Variants in ZBED3 observed in about 807,000 individuals in gnomAD.
ZBED3 encodes zinc finger BED-type containing 3, also known as zinc finger BED domain-containing protein 3.
For missense variants in ZBED3, 388 were observed against 362.9 expected, an observed-to-expected ratio of 1.07 and a Z score of -0.56; for synonymous variants, 175 against 180.0, an observed-to-expected ratio of 0.97 and a Z score of 0.22.
At chr5:77,080,882 A>C (rs1321814919) in intron 1 of ZBED3, among the ~76,000 whole-genome samples, 1 of 152,228 alleles carries the variant, frequency 6.6e-6, no homozygotes, top group East Asian at 1.9e-4. Context: ...ATGTATACAT[A>C]TGTAACAAAC....
At chr5:77,081,793 A>C (rs890644332) in intron 1 of ZBED3, among the ~76,000 whole-genome samples, 5 of 152,116 alleles carry the variant, frequency 3.3e-5, no homozygotes, top group African/African-American at 1.2e-4. Flanking sequence ...CACTCCATCC[A>C]ACTCTCATTC....
Position 77,077,699 on chromosome 5 carries a change from C to G in ZBED3, c.180G>C (p.Gly60=). The change falls in exon 3 of 3, where the codon GGG becomes GGC. Residue 60 remains glycine (G), a synonymous_variant. Transcript: ENST00000255198. ...AGGTGGCCCAGTGGCCCGACGGATG[C>G]CCGGGGCGCCCCGGCGCCAGGTGGA... The part of the protein sequence containing the change: ...GYFHLAPGRP[G]HPSGHWATCR... 1 of 1,346,312 alleles carries G rather than the reference C, an allele frequency of 7.4e-7. No homozygotes were observed. The highest frequency in any genetic ancestry group is 1.8e-5 in the South Asian group (1 of 55,174). The allele number at this position is 1,346,312 out of a possible 1,614,324, so 83.4% of individuals were successfully genotyped here. A position where few individuals can be genotyped will look rare whatever the true frequency, so the allele number is the denominator to read the frequency against.
chr5:77,078,233 C>G (rs112864069), intron 2 of ZBED3, among the ~76,000 whole-genome samples: 2,006 of 152,164 alleles, frequency 0.013, 29 homozygotes, highest in African/African-American at 0.041. Context: ...TTAGCTTTAA[C>G]TAGTCTCTGC....
At chr5:77,086,520 T>G (rs1743243274) in intron 1 of ZBED3, among the ~76,000 whole-genome samples, 1 of 152,172 alleles carries the variant, frequency 6.6e-6, no homozygotes, top group Non-Finnish European at 1.5e-5. Flanking sequence ...AGTATTTATT[T>G]TTTTCCTTCA....
intron 1 of ZBED3, among the ~76,000 whole-genome samples, chr5:77,080,904 G>A (rs1440001961): frequency 6.6e-6 from 1 of 152,160 alleles, no homozygotes; most frequent in African/African-American, 2.4e-5. Context: ...TGCACGTTGT[G>A]CACATGTACC....
At position 77,076,033 on chromosome 5, in the gene ZBED3, G is replaced by GTATATATGTATA. The variant is rs1561296580; in HGVS notation, c.*1129_*1140dup. The GTATATATGTATA allele has an allele frequency of 6.5e-5, 4 of 61,506 alleles. No homozygotes were observed. Among genetic ancestry groups the GTATATATGTATA allele is most frequent in the East Asian group, 8.5e-4 (2 of 2,360 alleles). 3.8% of individuals were successfully genotyped at this position (61,506 alleles called of 1,614,324 possible). A position where few individuals can be genotyped will look rare whatever the true frequency, so the allele number is the denominator to read the frequency against. Reference sequence around the variant, plus strand: ...TATATGTATATATGTATATATATATGTATATATGTATATATATATATAATA... The same window carrying GTATATATGTATA: ...TATATGTATATATGTATATATATATGTATATATGTATATATATATGTATATATATATATAATA... On this transcript the variant is annotated 3_prime_UTR_variant, in exon 3 of 3. Transcript: ENST00000255198.
In ZBED3 at chr5:77,075,879, T is replaced by G; in HGVS notation, c.*1295A>C. ...TTGGTCACTGGGAGATTGTGGCAGC[T>G]TGGAAATAGTCTGGTGAAGCATAGA... On this transcript the variant is annotated 3_prime_UTR_variant, in exon 3 of 3. Coordinates refer to ENST00000255198, the MANE Select transcript of ZBED3 (RefSeq NM_032367.4). The G allele has an allele frequency of 6.9e-6, 1 of 144,246 alleles. No individual in the cohort carries two copies. The highest frequency in any genetic ancestry group is 2.6e-5 in the African/African-American group (1 of 39,080). The allele number at this position is 144,246 out of a possible 1,614,324, so 8.9% of individuals were successfully genotyped here. A position where few individuals can be genotyped will look rare whatever the true frequency, so the allele number is the denominator to read the frequency against.
intron 1 of ZBED3, among the ~76,000 whole-genome samples, chr5:77,086,372 A>T (rs1561300595): frequency 6.6e-6 from 1 of 152,064 alleles, no homozygotes; most frequent in South Asian, 2.1e-4. Flanking sequence ...CTTGCCTCCA[A>T]AAGGTGTCAG....
In ZBED3 at chr5:77,076,250, G is replaced by A. The variant is rs1743001577; in HGVS notation, c.*924C>T. On this transcript the variant is annotated 3_prime_UTR_variant, in exon 3 of 3. Transcript: ENST00000255198. ...AAGGGAGGGACTGAGACAGCGAAAG[G>A]GGGAATACTACAGGAGGAAAGACCC... 1 of 151,338 alleles carries A rather than the reference G, an allele frequency of 6.6e-6. No individual in the cohort carries two copies. Among genetic ancestry groups the A allele is most frequent in the Admixed American group, 6.6e-5 (1 of 15,124 alleles). The allele number at this position is 151,338 out of a possible 1,614,324, so 9.4% of individuals were successfully genotyped here. A position where few individuals can be genotyped will look rare whatever the true frequency, so the allele number is the denominator to read the frequency against.
intron 1 of ZBED3, chr5:77,086,842 T>C (rs183824300): frequency 8.9e-4 from 135 of 152,446 alleles, no homozygotes; most frequent in African/African-American, 3.1e-3. Flanking sequence ...AATTTCCACA[T>C]TCCGAACAAG....
intron 1 of ZBED3, chr5:77,080,653 G>GTC (rs149659097): frequency 5.8e-6 from 3 of 513,390 alleles, no homozygotes; most frequent in African/African-American, 5.8e-5. Flanking sequence ...GCCACAGGCC[G>GTC]TAACAGCCTG....
intron 1 of ZBED3, among the ~76,000 whole-genome samples, chr5:77,085,468 C>G (rs981353085): frequency 6.6e-6 from 1 of 152,218 alleles, no homozygotes; most frequent in Non-Finnish European, 1.5e-5. Context: ...CTTCTATACT[C>G]AAGGCTACTT....
At position 77,077,522 on chromosome 5, in the gene ZBED3, G is replaced by C. The variant is rs1260855156; in HGVS notation, c.357C>G (p.Pro119=). The part of the protein sequence containing the change: ...SPPAAPCPPP[P]GPAAAPEGDW... Reference sequence around the variant, plus strand: ...CGCCCTCGGGGGCCGCAGCGGGGCCGGGCGGCGGCGGGCAGGGCGCGGCAG... The same window carrying C: ...CGCCCTCGGGGGCCGCAGCGGGGCCCGGCGGCGGCGGGCAGGGCGCGGCAG... Residue 119 remains proline (P), a synonymous_variant, in exon 3 of 3, where the codon CCC becomes CCG. Transcript: ENST00000255198. 1.7e-6 allele frequency: 2 copies of C among 1,204,242 alleles called. No homozygotes were observed. The highest frequency in any genetic ancestry group is 1.6e-5 in the African/African-American group (1 of 62,596). The allele number at this position is 1,204,242 out of a possible 1,614,324, so 74.6% of individuals were successfully genotyped here. A position where few individuals can be genotyped will look rare whatever the true frequency, so the allele number is the denominator to read the frequency against.
rs1318392484 is a variant in ZBED3, at chr5:77,077,441, C to T, written c.438G>A (p.Arg146=). 1.6e-6 allele frequency: 2 copies of T among 1,213,006 alleles called. No individual in the cohort carries two copies. The highest frequency in any genetic ancestry group is 2.1e-6 in the Non-Finnish European group (2 of 975,090). 75.1% of individuals were successfully genotyped at this position (1,213,006 alleles called of 1,614,324 possible). A position where few individuals can be genotyped will look rare whatever the true frequency, so the allele number is the denominator to read the frequency against. Residue 146 remains arginine (R), a synonymous_variant, in exon 3 of 3, where the codon CGG becomes CGA. Transcript: ENST00000255198. The part of the protein sequence containing the change: ...MGALAVRGSR[R]ERELERRELA... ...GCTCGCGCCGCTCCAGCTCCCGCTCCCGCCGGCTGCCGCGCACGGCCAGCG... is the reference window on the plus strand; with the variant it reads ...GCTCGCGCCGCTCCAGCTCCCGCTCTCGCCGGCTGCCGCGCACGGCCAGCG...
chr5:77,077,784 G>A lies in ZBED3; in HGVS notation c.95C>T (p.Ala32Val). Residue 32 changes from alanine to valine, a missense_variant, in exon 3 of 3, where the codon GCG becomes GTG. Transcript: ENST00000255198. The part of the protein sequence containing the change: ...RGGQCPGLGP[A>V]PTPTPPGRLG... ...GCGGCCGGGAGGCGTCGGCGTCGGC[G>A]CCGGCCCCAGTCCCGGACACTGACC... 1 of 1,316,792 alleles carries A rather than the reference G, an allele frequency of 7.6e-7. No homozygotes were observed. Among genetic ancestry groups the A allele is most frequent in the South Asian group, 2.1e-5 (1 of 46,862 alleles). 81.6% of individuals were successfully genotyped at this position (1,316,792 alleles called of 1,614,324 possible). A position where few individuals can be genotyped will look rare whatever the true frequency, so the allele number is the denominator to read the frequency against.
At position 77,074,697 on chromosome 5, in the gene ZBED3, A is replaced by G. The variant is rs897732511; in HGVS notation, c.*2477T>C. ...AATTAATTAGTTGGAGTTAGGAAGG[A>G]AACAGGTGTCAGCTGGGTCGACTGA... On this transcript the variant is annotated 3_prime_UTR_variant, in exon 3 of 3. Transcript: ENST00000255198. 1 of 152,252 alleles carries G rather than the reference A, an allele frequency of 6.6e-6. No individual in the cohort carries two copies. The highest frequency in any genetic ancestry group is 2.4e-5 in the African/African-American group (1 of 41,438). 9.4% of individuals were successfully genotyped at this position (152,252 alleles called of 1,614,324 possible).
rs1379588181 is a variant in ZBED3, at chr5:77,073,826, A to C, written c.*3348T>G. ...GCAGCTACGGAATGCAAGGCACTGT[A>C]GGAGTAGGGTGAGTATACTCCCCAC... On this transcript the variant is annotated 3_prime_UTR_variant, in exon 3 of 3. Transcript: ENST00000255198. The C allele has an allele frequency of 6.6e-6, 1 of 152,236 alleles. No homozygotes were observed. The highest frequency in any genetic ancestry group is 1.5e-5 in the Non-Finnish European group (1 of 68,034). 9.4% of individuals were successfully genotyped at this position (152,236 alleles called of 1,614,324 possible). A position where few individuals can be genotyped will look rare whatever the true frequency, so the allele number is the denominator to read the frequency against.
At position 77,076,499 on chromosome 5, in the gene ZBED3, A is replaced by G. The variant is rs1743006340; in HGVS notation, c.*675T>C. 1 of 152,130 alleles carries G rather than the reference A, an allele frequency of 6.6e-6. No homozygotes were observed. The highest frequency in any genetic ancestry group is 6.6e-5 in the Admixed American group (1 of 15,262). 9.4% of individuals were successfully genotyped at this position (152,130 alleles called of 1,614,324 possible). On this transcript the variant is annotated 3_prime_UTR_variant, in exon 3 of 3. Coordinates refer to ENST00000255198, the MANE Select transcript of ZBED3 (RefSeq NM_032367.4). ...CTTGTCATTAGGTCTGAAGCAAGGGAAGGATGGCCGAGGGGAGACAGAGTG... is the reference window on the plus strand; with the variant it reads ...CTTGTCATTAGGTCTGAAGCAAGGGGAGGATGGCCGAGGGGAGACAGAGTG...
chr5:77,083,649 G>A (rs1251204172), intron 1 of ZBED3, among the ~76,000 whole-genome samples: 1 of 152,154 alleles, frequency 6.6e-6, no homozygotes, highest in South Asian at 2.1e-4. Flanking sequence ...ACATGCCCAC[G>A]TTAAGATTTT....
Sources: gnomAD v4.1 joint callset for allele counts (sites outside exome capture counted in the v4.1 genomes callset) on GRCh38, gnomAD v4.1.1 for gene constraint, MANE v1.5 for transcripts, NCBI Gene and HGNC (gene_info 2026-07-23, HGNC 2026-07-21) for gene names.